The following CFTR variants were observed in gnomAD, a reference collection of about 807,000 sequenced individuals.
CFTR encodes CF transmembrane conductance regulator, also known as cystic fibrosis transmembrane conductance regulator.
In CFTR, 181 loss-of-function variants were observed where a neutral mutation model predicts 171.6. The ratio of observed to expected loss-of-function variants is 1.05; its 90% confidence interval spans 0.93 to 1.19. CFTR has a LOEUF of 1.19. Among genes scored for constraint, CFTR ranks in the 50% most tolerant of loss-of-function variants. The pLI is 0.00. For synonymous variants in CFTR, 583 were observed against 608.0 expected, an observed-to-expected ratio of 0.96 and a Z score of 0.60; for missense variants, 1,968 against 1,734.7, an observed-to-expected ratio of 1.13 and a Z score of -2.39.
intron 9 of CFTR, among the ~76,000 whole-genome samples, chr7:117,544,330 C>A (rs770802047): frequency 6.6e-6 from 1 of 152,054 alleles, no homozygotes; most frequent in Non-Finnish European, 1.5e-5. Flanking sequence ...TTGGGAAATC[C>A]TTTCATTTGT....
At position 117,667,223 on chromosome 7, in the gene CFTR, A is replaced by T. The variant is rs953240838; in HGVS notation, c.*115A>T. On this transcript the variant is annotated 3_prime_UTR_variant, in exon 27 of 27. Transcript: ENST00000003084. Reference sequence around the variant, plus strand: ...GTTACCTCTGCCTCAGAAAACAAGGATGAATTAAGTTTTTTTTTAAAAAAG... The same window carrying T: ...GTTACCTCTGCCTCAGAAAACAAGGTTGAATTAAGTTTTTTTTTAAAAAAG... The T allele has an allele frequency of 1.5e-5, 14 of 959,478 alleles. No individual in the cohort carries two copies. Among genetic ancestry groups the T allele is most frequent in the Non-Finnish European group, 2.2e-5 (14 of 623,834 alleles). The allele number at this position is 959,478 out of a possible 1,614,324, so 59.4% of individuals were successfully genotyped here.
At position 117,664,859 on chromosome 7, in the gene CFTR, G is replaced by C. The variant is rs758433792; in HGVS notation, c.4135G>C (p.Val1379Leu). 6.2e-7 allele frequency: 1 copy of C among 1,613,848 alleles called. No individual in the cohort carries two copies. The highest frequency in any genetic ancestry group is 8.5e-7 in the Non-Finnish European group (1 of 1,179,780). ...LDEPSAHLDP[V>L]TYQIIRRTLK... Reference sequence around the variant, plus strand: ...TGAACCCAGTGCTCATTTGGATCCAGTGTGAGTTTCAGATGTTCTGTTACT... The same window carrying C: ...TGAACCCAGTGCTCATTTGGATCCACTGTGAGTTTCAGATGTTCTGTTACT... The change falls in exon 25 of 27, where the codon GTA becomes CTA. Residue 1379 changes from valine to leucine, a missense_variant and splice_region_variant. Val to Leu is a conservative substitution (Grantham distance 32). Transcript: ENST00000003084.
In CFTR at chr7:117,587,765, C is replaced by A. The variant is rs397508240; in HGVS notation, c.1611C>A (p.Asp537Glu). ...ACATCTCCAAGTTTGCAGAGAAAGA[C>A]AATATAGTTCTTGGAGAAGGTGGAA... ...EEDISKFAEK[D>E]NIVLGEGGIT... The change falls in exon 12 of 27, where the codon GAC becomes GAA. Residue 537 changes from aspartate (D) to glutamate (E), a missense_variant. Physicochemically the swap from Asp to Glu is conservative, Grantham distance 45. Coordinates refer to ENST00000003084, the MANE Select transcript of CFTR (RefSeq NM_000492.4). 1 of 1,610,906 alleles carries A rather than the reference C, an allele frequency of 6.2e-7. No homozygotes were observed. The highest frequency in any genetic ancestry group is 8.5e-7 in the Non-Finnish European group (1 of 1,177,338).
At chr7:117,652,720 A>T (rs1793105929) in intron 23 of CFTR, 122 bp from the exon 24 acceptor site, 1 of 603,408 alleles carries the variant, frequency 1.7e-6, no homozygotes, top group Non-Finnish European at 3.0e-6. Context: ...GATGGTAAGT[A>T]CATGGGTGTT....
In CFTR at chr7:117,667,108, G is replaced by C. The variant is rs1403933625; in HGVS notation, c.4443G>C (p.Ter1481TyrextTer4). The C allele has an allele frequency of 6.2e-7, 1 of 1,613,612 alleles. No homozygotes were observed. The highest frequency in any genetic ancestry group is 8.5e-7 in the Non-Finnish European group (1 of 1,179,660). ...TEEEVQDTRL[*>Y] ...AAGAGGTGCAAGATACAAGGCTTTAGAGAGCAGCATAAATGTTGACATGGG... is the reference window on the plus strand; with the variant it reads ...AAGAGGTGCAAGATACAAGGCTTTACAGAGCAGCATAAATGTTGACATGGG... The change falls in exon 27 of 27, where the codon TAG becomes TAC. Residue 1481 changes from the stop codon to tyrosine (Y), a stop_lost. Coordinates refer to ENST00000003084, the MANE Select transcript of CFTR (RefSeq NM_000492.4).
At chr7:117,523,677 CCT>C (rs1429607308) in intron 3 of CFTR, among the ~76,000 whole-genome samples, 2 of 152,098 alleles carry the variant, frequency 1.3e-5, no homozygotes, top group African/African-American at 4.8e-5. Context: ...GCGCCCGGCC[CCT>C]GTCTCTGAAT....
intron 26 of CFTR, among the ~76,000 whole-genome samples, chr7:117,666,703 T>G (rs771798685): frequency 1.2e-4 from 18 of 152,078 alleles, no homozygotes; most frequent in Non-Finnish European, 1.9e-4. Flanking sequence ...GAGTAGAAAA[T>G]CACAACTAAT....
At chr7:117,591,204 G>T (rs1792018647) in intron 13 of CFTR, among the ~76,000 whole-genome samples, 2 of 152,024 alleles carry the variant, frequency 1.3e-5, no homozygotes, top group Admixed American at 6.6e-5. Context: ...TCAACCCTGA[G>T]ATTGTGAAAA....
chr7:117,525,624 T>C (rs1798763048), intron 3 of CFTR, among the ~76,000 whole-genome samples: 1 of 77,780 alleles, frequency 1.3e-5, no homozygotes, highest in Non-Finnish European at 2.4e-5. Context: ...TTGATCCCTT[T>C]ACCATTATGT....
chr7:117,514,520 G>A (rs759477400), intron 3 of CFTR, among the ~76,000 whole-genome samples: 3 of 152,184 alleles, frequency 2.0e-5, no homozygotes, highest in Non-Finnish European at 2.9e-5. Context: ...AGTATTCCAT[G>A]ATGTATATGT....
At chr7:117,531,568 C>T (rs1027167816) in intron 4 of CFTR, among the ~76,000 whole-genome samples, 1 of 151,954 alleles carries the variant, frequency 6.6e-6, no homozygotes, top group Admixed American at 6.6e-5. Flanking sequence ...TAGTATCCAC[C>T]GCCTTATTTT....
chr7:117,661,155 T>A (rs933556285), intron 24 of CFTR, among the ~76,000 whole-genome samples: 2 of 152,234 alleles, frequency 1.3e-5, no homozygotes, highest in South Asian at 2.1e-4. Context: ...ACTTAATAAA[T>A]TTCTTAAATG....
rs183575549 is a variant in CFTR, at chr7:117,580,353, T to C, written c.1585-7386T>C. ...AATTAAAATGGCAAATTAGCAAAAA[T>C]TGAGGTGTGATTATATTAATATCTG... On this transcript the variant is annotated intron_variant, in intron 11 of 26. Coordinates refer to ENST00000003084, the MANE Select transcript of CFTR (RefSeq NM_000492.4). Among the ~76,000 whole-genome samples the C allele has an allele frequency of 6.6e-5, 10 of 152,040 alleles. No homozygotes were observed. In the East Asian group the frequency reaches 1.7e-3, roughly 26 times the overall value.
intron 23 of CFTR, among the ~76,000 whole-genome samples, chr7:117,652,281 G>A (rs1793100115): frequency 6.6e-6 from 1 of 152,126 alleles, no homozygotes; most frequent in South Asian, 2.1e-4. Context: ...CTAAGTTGAG[G>A]CTCTCTCTTG....
At chr7:117,624,008 G>A (rs1792616902) in intron 21 of CFTR, among the ~76,000 whole-genome samples, 1 of 151,478 alleles carries the variant, frequency 6.6e-6, no homozygotes, top group African/African-American at 2.4e-5. Flanking sequence ...TTTTTTTTAA[G>A]AGTTCCCCAA....
At chr7:117,481,048 T>C (rs1215782474) in intron 1 of CFTR, among the ~76,000 whole-genome samples, 1 of 152,244 alleles carries the variant, frequency 6.6e-6, no homozygotes, top group East Asian at 1.9e-4. Context: ...TGAATAAGCA[T>C]ACTGAGGTAT....
At chr7:117,597,507 A>C (rs1396583321) in intron 15 of CFTR, among the ~76,000 whole-genome samples, 1 of 152,220 alleles carries the variant, frequency 6.6e-6, no homozygotes, top group Non-Finnish European at 1.5e-5. Flanking sequence ...AGCTAAAGAA[A>C]AGAAAAAAGT....
chr7:117,614,574 A>G lies in CFTR; in HGVS notation c.3368-39A>G, dbSNP rs373192718. 2.1e-5 allele frequency: 27 copies of G among 1,312,664 alleles called. No individual in the cohort carries two copies. The African/African-American group carries it at 3.6e-4, about 18-fold the overall frequency. 81.3% of individuals were successfully genotyped at this position (1,312,664 alleles called of 1,614,324 possible). A position where few individuals can be genotyped will look rare whatever the true frequency, so the allele number is the denominator to read the frequency against. ...ATAAAGTCGTTCACAGAAGAGAGAA[A>G]TAACATGAGGTTCATTTACGTCTTT... On this transcript the variant is annotated intron_variant, in intron 20 of 26. Coordinates refer to ENST00000003084, the MANE Select transcript of CFTR (RefSeq NM_000492.4).
At chr7:117,515,216 G>A (rs574295197) in intron 3 of CFTR, among the ~76,000 whole-genome samples, 1 of 152,252 alleles carries the variant, frequency 6.6e-6, no homozygotes, top group South Asian at 2.1e-4. Context: ...TCCTCGTGAA[G>A]TCTTTGCCCG....
Sources: gnomAD v4.1 joint callset for allele counts (sites outside exome capture counted in the v4.1 genomes callset) on GRCh38, gnomAD v4.1.1 for gene constraint, MANE v1.5 for transcripts, NCBI Gene and HGNC (gene_info 2026-07-23, HGNC 2026-07-21) for gene names.